SORL1-AS1: variants seen among roughly 807,000 people sequenced by gnomAD.
SORL1-AS1 encodes lncRNA 51 A.
At chr11:121,441,530 C>CAAAA in the SORL1-AS1 span, among the ~76,000 whole-genome samples, 30 of 52,346 alleles carry the variant, frequency 5.7e-4, 1 homozygote, top group African/African-American at 1.1e-3. Flanking sequence ...GACTCTGTCT[C>CAAAA]AAAAAAAAAA....
At chr11:121,449,775 TGAG>T (rs922451001) in exon 2 of SORL1-AS1, 1 of 152,204 alleles carries the variant, frequency 6.6e-6, no homozygotes, top group African/African-American at 2.4e-5. Context: ...ACTGAAGCTC[TGAG>T]GAGGTTTGGC....
chr11:121,446,129 C>T (rs1205923970), downstream of SORL1-AS1, among the ~76,000 whole-genome samples: 1 of 152,186 alleles, frequency 6.6e-6, no homozygotes, highest in Non-Finnish European at 1.5e-5. Context: ...TTCTCTCTCA[C>T]CACTCCCTTC....
At chr11:121,447,399 A>T (rs1169015060) in exon 2 of SORL1-AS1, 1 of 148,190 alleles carries the variant, frequency 6.7e-6, no homozygotes, top group East Asian at 2.0e-4. Context: ...TGCAGCCCTG[A>T]CCTCCTGGGC....
chr11:121,452,212 G>A lies in SORL1-AS1; in HGVS notation n.339+463C>T. 1 of 618,658 alleles carries A rather than the reference G, an allele frequency of 1.6e-6. No individual in the cohort carries two copies. The highest frequency in any genetic ancestry group is 2.0e-5 in the African/African-American group (1 of 50,566). The allele number at this position is 618,658 out of a possible 1,614,324, so 38.3% of individuals were successfully genotyped here. On this transcript the variant is annotated intron_variant and non_coding_transcript_variant, in intron 1 of 1. Transcript: ENST00000501964. The surrounding 1 kb of genome is among the most constrained non-coding windows in gnomAD (Gnocchi z 5.3). ...GGGCGCAGCGGGGCGGCCCGGAGCG[G>A]CGCGGGCGGCCTGGAGCCCCGGGAG...
chr11:121,441,395 G>A, the SORL1-AS1 span, among the ~76,000 whole-genome samples: 1 of 151,588 alleles, frequency 6.6e-6, no homozygotes, highest in Non-Finnish European at 1.5e-5. Flanking sequence ...GCTGGGCGTG[G>A]TGGTGGGCGC....
In SORL1-AS1 at chr11:121,450,484, G is replaced by T. The variant is rs189515484; in HGVS notation, n.340-585C>A. Reference sequence around the variant, plus strand: ...ATATAAGTATATAATAAATATATATGTTATATATATGAGTTAGAGCTGAAT... The same window carrying T: ...ATATAAGTATATAATAAATATATATTTTATATATATGAGTTAGAGCTGAAT... On this transcript the variant is annotated intron_variant and non_coding_transcript_variant, in intron 1 of 1. Transcript: ENST00000501964. This position sits in a 1 kb window ranked among gnomAD's most constrained non-coding sequence, Gnocchi z 5.2. Among the ~76,000 whole-genome samples the T allele has an allele frequency of 2.6e-5, 4 of 151,780 alleles. No individual in the cohort carries two copies. In the East Asian group the frequency reaches 7.7e-4, roughly 29 times the overall value.
At chr11:121,439,331 G>A in the SORL1-AS1 span, among the ~76,000 whole-genome samples, 3 of 151,852 alleles carry the variant, frequency 2.0e-5, no homozygotes, top group East Asian at 5.8e-4. Context: ...GACCAACAAC[G>A]CTGAGCATCT....
At chr11:121,447,798 C>T (rs1431204969) in exon 2 of SORL1-AS1, 1 of 152,138 alleles carries the variant, frequency 6.6e-6, no homozygotes, top group African/African-American at 2.4e-5. Context: ...CAGCATCTCA[C>T]CTAGGCTAGG....
Position 121,452,370 on chromosome 11 carries a change from G to T in SORL1-AS1, n.339+305C>A. On this transcript the variant is annotated intron_variant and non_coding_transcript_variant, in intron 1 of 1. Transcript: ENST00000501964. This position sits in a 1 kb window ranked among gnomAD's most constrained non-coding sequence, Gnocchi z 5.3. ...GCAGCAGGAGGGAGTCGCGACTCCC[G>T]TTCCTATTCACCCTGGTCGCACTGC... The T allele has an allele frequency of 1.3e-6, 2 of 1,553,706 alleles. No individual in the cohort carries two copies. Among genetic ancestry groups the T allele is most frequent in the Non-Finnish European group, 1.7e-6 (2 of 1,154,474 alleles).
At chr11:121,440,957 T>G in the SORL1-AS1 span, among the ~76,000 whole-genome samples, 650 of 152,356 alleles carry the variant, frequency 4.3e-3, 2 homozygotes, top group Non-Finnish European at 6.9e-3. Flanking sequence ...GAGTGTTGGC[T>G]GTGGCCCTTA....
In SORL1-AS1 at chr11:121,450,717, T is replaced by C. The variant is rs575138282; in HGVS notation, n.340-818A>G. 6.6e-6 allele frequency among the ~76,000 whole-genome samples: 1 copy of C among 152,286 alleles called. No homozygotes were observed. Among genetic ancestry groups the C allele is most frequent in the South Asian group, 2.1e-4 (1 of 4,832 alleles). ...AAAGCAGGGTGGTTAACATAGAGAA[T>C]GCATGATTTGCTTGGTGGGGAGAAC... On this transcript the variant is annotated intron_variant and non_coding_transcript_variant, in intron 1 of 1. Transcript: ENST00000501964. The surrounding 1 kb of genome is among the most constrained non-coding windows in gnomAD (Gnocchi z 5.2).
downstream of SORL1-AS1, among the ~76,000 whole-genome samples, chr11:121,442,872 G>T (rs1288554687): frequency 6.6e-6 from 1 of 150,392 alleles, no homozygotes; most frequent in African/African-American, 2.4e-5. Flanking sequence ...TAGAGATGGG[G>T]TTTCACCATG....
At chr11:121,444,259 T>A (rs1295226239), downstream of SORL1-AS1, among the ~76,000 whole-genome samples, 1 of 152,256 alleles carries the variant, frequency 6.6e-6, no homozygotes, top group Admixed American at 6.5e-5. Context: ...AATGGCCAAA[T>A]TGATTTACCA....
At chr11:121,444,733 C>T (rs1026838327), downstream of SORL1-AS1, among the ~76,000 whole-genome samples, 1 of 152,138 alleles carries the variant, frequency 6.6e-6, no homozygotes, top group Non-Finnish European at 1.5e-5. Context: ...GATGGGGGAG[C>T]AGGAACCACA....
At chr11:121,449,015 C>A (rs1259802347) in exon 2 of SORL1-AS1, 3 of 152,102 alleles carry the variant, frequency 2.0e-5, no homozygotes, top group African/African-American at 7.2e-5. Flanking sequence ...GGAGTTTTTT[C>A]CTCTTCGTGG....
chr11:121,452,051 C>T lies in SORL1-AS1; in HGVS notation n.339+624G>A, dbSNP rs1860801234. Among the ~76,000 whole-genome samples, 1 of 152,166 alleles carries T rather than the reference C, an allele frequency of 6.6e-6. No individual in the cohort carries two copies. The highest frequency in any genetic ancestry group is 2.1e-4 in the South Asian group (1 of 4,836). ...ACCGGCGCTCGCTGCCTTAACTTCC[C>T]CATCCCCGCGCCAGGGAGGGGCCGG... On this transcript the variant is annotated intron_variant and non_coding_transcript_variant, in intron 1 of 1. Coordinates refer to ENST00000501964, the Ensembl canonical transcript of SORL1-AS1. This position sits in a 1 kb window ranked among gnomAD's most constrained non-coding sequence, Gnocchi z 5.3.
the SORL1-AS1 span, among the ~76,000 whole-genome samples, chr11:121,441,530 C>CAAAAAAAAAAAAAAAAAAAAAAAAAAAA: frequency 8.4e-4 from 44 of 52,316 alleles, no homozygotes; most frequent in Non-Finnish European, 1.2e-3. Flanking sequence ...GACTCTGTCT[C>CAAAAAAAAAAAAAAAAAAAAAAAAAAAA]AAAAAAAAAA....
At chr11:121,443,390 C>T (rs528819285), downstream of SORL1-AS1, among the ~76,000 whole-genome samples, 2 of 152,314 alleles carry the variant, frequency 1.3e-5, no homozygotes, top group East Asian at 3.9e-4. Flanking sequence ...AATAAATTCT[C>T]ACAATGCCAT....
chr11:121,450,694 A>G lies in SORL1-AS1; in HGVS notation n.340-795T>C, dbSNP rs1233687050. Among the ~76,000 whole-genome samples, 1 of 152,174 alleles carries G rather than the reference A, an allele frequency of 6.6e-6. No homozygotes were observed. The highest frequency in any genetic ancestry group is 2.4e-5 in the African/African-American group (1 of 41,436). On this transcript the variant is annotated intron_variant and non_coding_transcript_variant, in intron 1 of 1. Coordinates refer to ENST00000501964, the Ensembl canonical transcript of SORL1-AS1. This position sits in a 1 kb window ranked among gnomAD's most constrained non-coding sequence, Gnocchi z 5.2. ...CCTGTATACAATGTATAATGAACAA[A>G]GCAGGGTGGTTAACATAGAGAATGC...
Sources: allele counts gnomAD v4.1 joint callset (sites outside exome capture counted in the v4.1 genomes callset), GRCh38; gene constraint gnomAD v4.1.1; non-coding constraint Gnocchi (gnomAD v3.1); transcripts MANE v1.5; gene names NCBI Gene and HGNC (gene_info 2026-07-23, HGNC 2026-07-21).